The following LRP2 variants were observed in gnomAD, a reference collection of about 807,000 sequenced individuals.
LRP2 encodes LDL receptor related protein 2.
Under a neutral mutation model 531.0 loss-of-function variants are expected in LRP2, and 172 were observed. The ratio of observed to expected loss-of-function variants is 0.32; its 90% CI spans 0.29 to 0.37. LRP2 has a LOEUF of 0.37. LRP2 is among the 10% of genes least tolerant of loss of function. The pLI, the probability that LRP2 is intolerant of heterozygous loss-of-function variation, is 1.00. For synonymous variants in LRP2, 1,992 were observed against 2,027.6 expected (o/e 0.98, Z 0.47); for missense variants, 5,167 against 5,868.3 (o/e 0.88, Z 3.90).
At position 169,220,508 on chromosome 2, in the gene LRP2, C is replaced by T; in HGVS notation, c.5594G>A (p.Gly1865Glu). 4 of 1,613,574 alleles carry T rather than the reference C, an allele frequency of 2.5e-6. No homozygotes were observed. The highest frequency in any genetic ancestry group is 3.4e-6 in the Non-Finnish European group (4 of 1,179,696). ...RYRKTLIAND[G>E]TALGVGFPIG... ...TGGAAAGCCAACTCCAAGAGCTGTC[C>T]CATCATTGGCAATCAATGTTTTTCT... is the stretch of plus-strand genomic sequence containing the variant. Residue 1865 changes from glycine (G) to glutamate (E), a missense_variant, in exon 34 of 79, where the codon GGG becomes GAG. Gly to Glu is a moderately conservative substitution (Grantham distance 98, BLOSUM62 -2). Around this residue, in one of 6 missense-constraint regions of LRP2, gnomAD observed 2,811 missense variants for 3,058.0 expected, o/e 0.92. Transcript: ENST00000649046.
intron 61 of LRP2, among the ~76,000 whole-genome samples, 184 bp downstream of exon 61, chr2:169,168,355 C>CAAAAA (rs1686866086): frequency 6.6e-6 from 1 of 152,002 alleles, no homozygotes. Flanking sequence ...GAGGTTTTCC[C>CAAAAA]AACTTTCTCA....
chr2:169,336,641 C>T (rs1344633754), intron 1 of LRP2, among the ~76,000 whole-genome samples: 1 of 152,110 alleles, frequency 6.6e-6, no homozygotes, highest in Non-Finnish European at 1.5e-5. Context: ...AGAGACCTTA[C>T]CACCCTCCAA....
rs1687611472 is a variant in LRP2, at chr2:169,185,699, AG to A, written c.9648del (p.Tyr3217IlefsTer16). On this transcript the variant is annotated frameshift_variant, in exon 50 of 79. Transcript: ENST00000649046. LOFTEE classifies it high-confidence loss of function. ...RYYLRNLTID[G>X]YFYSLILEGL... ...CCTTCCAAGATGAGGGAGTAAAAAT[AG>A]CCATCTATAGTTAAATTTCTCAAAT... is the stretch of plus-strand genomic sequence containing the variant. 1 of 1,614,046 alleles carries A rather than the reference AG, an allele frequency of 6.2e-7. No homozygotes were observed. The highest frequency in any genetic ancestry group is 1.3e-5 in the African/African-American group (1 of 74,914).
rs115222419 is a variant in LRP2, at chr2:169,216,554, T to A, written c.5649-124A>T. 4,485 of 904,242 alleles carry A rather than the reference T, an allele frequency of 5.0e-3. 122 individuals carry two copies. The African/African-American group carries it at 0.059, about 12-fold the overall frequency. The allele number at this position is 904,242 out of a possible 1,614,324, so 56.0% of individuals were successfully genotyped here. ...CAATACAATGGGCAAAGGCTGAAAA[T>A]CAATATCTCGTTGCATACAACGTGG... On this transcript the variant is annotated intron_variant, in intron 34 of 78. Transcript: ENST00000649046.
At position 169,181,628 on chromosome 2, in the gene LRP2, C is replaced by A. The variant is rs186080944; in HGVS notation, c.9999-10G>T. 1 of 1,613,952 alleles carries A rather than the reference C, an allele frequency of 6.2e-7. No individual in the cohort carries two copies. Among genetic ancestry groups the A allele is most frequent in the East Asian group, 2.2e-5 (1 of 44,878 alleles). On this transcript the variant is annotated splice_polypyrimidine_tract_variant and intron_variant, in intron 51 of 78. Coordinates refer to ENST00000649046, the MANE Select transcript of LRP2 (RefSeq NM_004525.3). The stretch of plus-strand genomic sequence containing the variant: ...TGCCCAGTAGAGGTACCTGTCAGGG[C>A]AAACACAAAGGGTCAGTCCCTGATG...
In LRP2 at chr2:169,338,389, AAAGAAAGAAAGAAAG is replaced by A. The variant is rs1479391938; in HGVS notation, c.80-17520_80-17506del. On this transcript the variant is annotated intron_variant, in intron 1 of 78. Coordinates refer to ENST00000649046, the MANE Select transcript of LRP2 (RefSeq NM_004525.3). ...GAAAGAAAGAAAGAAAGAAAGAAAG[AAAGAAAGAAAGAAAG>A]AAAGAAAAGAAAAGAAAAGAAAAAA... 6.7e-4 allele frequency among the ~76,000 whole-genome samples: 86 copies of A among 127,906 alleles called. No individual in the cohort carries two copies. The East Asian group carries it at 9.0e-3, about 13-fold the overall frequency. 83.9% of individuals were successfully genotyped at this position (127,906 alleles called of 152,430 possible).
In LRP2 at chr2:169,173,961, T is replaced by C. The variant is rs764887934; in HGVS notation, c.10972A>G (p.Asn3658Asp). The C allele has an allele frequency of 5.0e-6, 8 of 1,614,106 alleles. No homozygotes were observed. The highest frequency in any genetic ancestry group is 6.8e-6 in the Non-Finnish European group (8 of 1,180,046). The change falls in exon 56 of 79, where the codon AAT becomes GAT. Residue 3658 changes from asparagine (N) to aspartate (D), a missense_variant. Physicochemically the swap from Asn to Asp is conservative, Grantham distance 23. Around this residue, in one of 6 missense-constraint regions of LRP2, gnomAD observed 311 missense variants for 309.4 expected, o/e 1.01. Transcript: ENST00000649046. ...IPQAWKCDVDNDCGDHSDEPI... is the reference protein window; with the variant it reads ...IPQAWKCDVDDDCGDHSDEPI... Reference sequence around the variant, plus strand: ...TCATCCGAGTGGTCTCCACAATCATTATCCACATCACACTTCCAGGCCTGC... The same window carrying C: ...TCATCCGAGTGGTCTCCACAATCATCATCCACATCACACTTCCAGGCCTGC...
intron 52 of LRP2, among the ~76,000 whole-genome samples, chr2:169,179,327 A>T (rs1687339445): frequency 6.6e-6 from 1 of 152,196 alleles, no homozygotes; most frequent in Non-Finnish European, 1.5e-5. Flanking sequence ...TTTCTAAAAA[A>T]ATCATAGACC....
At chr2:169,194,364 C>T (rs1687932191) in intron 46 of LRP2, among the ~76,000 whole-genome samples, 1 of 152,152 alleles carries the variant, frequency 6.6e-6, no homozygotes, top group South Asian at 2.1e-4. Flanking sequence ...GATTGGTTGC[C>T]TGTCTCCCCT....
At chr2:169,135,607 G>A (rs1380384937) in intron 76 of LRP2, among the ~76,000 whole-genome samples, 1 of 152,112 alleles carries the variant, frequency 6.6e-6, no homozygotes, top group Non-Finnish European at 1.5e-5. Context: ...ATGGACTAAT[G>A]GTCTTTTAAA....
At chr2:169,352,733 C>T (rs1685882669) in intron 1 of LRP2, among the ~76,000 whole-genome samples, 1 of 152,006 alleles carries the variant, frequency 6.6e-6, no homozygotes, top group Admixed American at 6.6e-5. Context: ...CCATCATTCT[C>T]AGCAAACTAA....
chr2:169,322,351 T>G (rs537127953), intron 1 of LRP2, among the ~76,000 whole-genome samples: 1 of 152,236 alleles, frequency 6.6e-6, no homozygotes, highest in Non-Finnish European at 1.5e-5. Context: ...TGATTTATAA[T>G]GTATGCTGCA....
chr2:169,208,317 A>G (rs1384257142), intron 38 of LRP2, among the ~76,000 whole-genome samples: 1 of 152,234 alleles, frequency 6.6e-6, no homozygotes, highest in Non-Finnish European at 1.5e-5. Flanking sequence ...ATACCCTCAG[A>G]AATAGTAATT....
In LRP2 at chr2:169,204,138, G is replaced by A. The variant is rs1397239173; in HGVS notation, c.7849C>T (p.Arg2617Ter). The change falls in exon 42 of 79, where the codon CGA becomes TGA. Residue 2617 changes from arginine to a stop codon, truncating the protein, a stop_gained. Transcript: ENST00000649046. LOFTEE classifies it high-confidence loss of function. Reference sequence around the variant, plus strand: ...CCTGACCCGTCATATTTGTTAGCTCGGTAAATTCTTTGTGTGTACAAGTCA... The same window carrying A: ...CCTGACCCGTCATATTTGTTAGCTCAGTAAATTCTTTGTGTGTACAAGTCA... ...WTDLYTQRIY[R>*]ANKYDGSGQI... The A allele has an allele frequency of 1.9e-6, 3 of 1,614,124 alleles. No individual in the cohort carries two copies. The highest frequency in any genetic ancestry group is 2.2e-5 in the South Asian group (2 of 91,084).
intron 4 of LRP2, among the ~76,000 whole-genome samples, chr2:169,298,670 G>A (rs979282566): frequency 6.6e-6 from 1 of 152,096 alleles, no homozygotes; most frequent in Non-Finnish European, 1.5e-5. Context: ...AGGAAGAAGG[G>A]AAAAGTGAGG....
At chr2:169,151,545 T>C (rs1341682004) in intron 67 of LRP2, among the ~76,000 whole-genome samples, 1 of 152,116 alleles carries the variant, frequency 6.6e-6, no homozygotes, top group Non-Finnish European at 1.5e-5. Flanking sequence ...TTAGAATCAA[T>C]AGGAACCTGG....
chr2:169,226,377 T>A (rs761346834), intron 32 of LRP2, 45 bp downstream of exon 32: 5 of 1,487,860 alleles, frequency 3.4e-6, no homozygotes, highest in Admixed American at 3.3e-5. Context: ...GCAGGCAGGC[T>A]CTTCAAGAAT....
chr2:169,257,242 A>G lies in LRP2; in HGVS notation c.2521T>C (p.Phe841Leu). Residue 841 changes from phenylalanine to leucine, a missense_variant, in exon 18 of 79, where the codon TTC (phenylalanine) becomes CTC (leucine). Physicochemically the swap from Phe to Leu is conservative, Grantham distance 22. This residue lies in a region of LRP2 where 2,811 missense variants were observed against 3,058.0 expected (regional missense o/e 0.92). Transcript: ENST00000649046. ...GCAGGACGGAACCAATCAGTGAAGA[A>G]TAGATACCTAGAAAAAGCAGTAGTA... is the stretch of plus-strand genomic sequence containing the variant. ...VVVHPFAGYL[F>L]FTDWFRPAKI... The G allele has an allele frequency of 6.2e-7, 1 of 1,612,524 alleles. No individual in the cohort carries two copies. The highest frequency in any genetic ancestry group is 8.5e-7 in the Non-Finnish European group (1 of 1,178,916).
chr2:169,268,558 C>A (rs1683301089), intron 16 of LRP2, among the ~76,000 whole-genome samples: 2 of 152,140 alleles, frequency 1.3e-5, no homozygotes, highest in Admixed American at 6.5e-5. Context: ...AATTCAACAG[C>A]CCTTCATGCT....
Sources: gnomAD v4.1 joint callset for allele counts (sites outside exome capture counted in the v4.1 genomes callset) on GRCh38, gnomAD v4.1.1 for gene constraint, gnomAD v4.1.1 regional missense constraint, MANE v1.5 for transcripts, NCBI Gene and HGNC (gene_info 2026-07-23, HGNC 2026-07-21) for gene names.